ZNF423: variants seen among roughly 807,000 people sequenced by gnomAD.
The protein encoded by ZNF423 is Ebf-associated zinc finger protein.
A neutral mutation model predicts 95.8 loss-of-function variants in ZNF423; 12 were observed. That is an observed-to-expected ratio of 0.13 (90% CI 0.08 to 0.20). ZNF423 has a LOEUF of 0.20. Ranked by LOEUF, ZNF423 falls within the 10% of genes least tolerant of loss-of-function variation. The pLI is 1.00. For missense variants in ZNF423, 1,316 were observed against 1,737.1 expected (o/e 0.76, Z 4.31); for synonymous variants, 749 against 711.9 (o/e 1.05, Z -0.83).
At chr16:49,548,903 TC>T (rs1228473436) in intron 5 of ZNF423, among the ~76,000 whole-genome samples, 1 of 152,228 alleles carries the variant, frequency 6.6e-6, no homozygotes, top group Admixed American at 6.5e-5. Flanking sequence ...TCTTGAACCT[TC>T]CAGTTCCTAG....
chr16:49,552,732 A>G (rs765531002), intron 5 of ZNF423, among the ~76,000 whole-genome samples: 2 of 152,100 alleles, frequency 1.3e-5, no homozygotes, highest in Non-Finnish European at 2.9e-5. Context: ...AGGAAGGGCA[A>G]GAAGCAAAAG....
chr16:49,491,138 A>G lies in ZNF423; in HGVS notation c.*137T>C, dbSNP rs1428111242. The G allele has an allele frequency of 1.0e-6, 1 of 963,334 alleles. No homozygotes were observed. Among genetic ancestry groups the G allele is most frequent in the African/African-American group, 1.6e-5 (1 of 62,218 alleles). The allele number at this position is 963,334 out of a possible 1,614,324, so 59.7% of individuals were successfully genotyped here. ...TTCATTTCCAGCTGCTTATAATAGC[A>G]GCGCCTCATGGCCAAATCATTAGAG... On this transcript the variant is annotated 3_prime_UTR_variant, in exon 8 of 8. Transcript: ENST00000563137.
chr16:49,746,849 C>G (rs2033535335), intron 2 of ZNF423, among the ~76,000 whole-genome samples: 1 of 152,208 alleles, frequency 6.6e-6, no homozygotes, highest in Admixed American at 6.5e-5. Flanking sequence ...AGCCCATCTA[C>G]CCGAAGCAGC....
intron 5 of ZNF423, among the ~76,000 whole-genome samples, chr16:49,580,259 C>G (rs1970629505): frequency 6.6e-6 from 1 of 152,162 alleles, no homozygotes; most frequent in Non-Finnish European, 1.5e-5. Flanking sequence ...TCCCCACACT[C>G]TAGCCCCACA....
At chr16:49,830,346 G>T (rs564220524) in intron 1 of ZNF423, among the ~76,000 whole-genome samples, 2 of 152,112 alleles carry the variant, frequency 1.3e-5, no homozygotes, top group South Asian at 4.1e-4. Flanking sequence ...GAGATGCTCC[G>T]GAACCTTGCA....
chr16:49,493,426 G>A (rs191520820), intron 7 of ZNF423, among the ~76,000 whole-genome samples: 52 of 152,284 alleles, frequency 3.4e-4, no homozygotes, highest in African/African-American at 1.3e-3. Context: ...CAGGACCCAG[G>A]GCTGGGCATG....
At chr16:49,722,001 A>G (rs1294798702) in intron 3 of ZNF423, among the ~76,000 whole-genome samples, 1 of 152,214 alleles carries the variant, frequency 6.6e-6, no homozygotes, top group Non-Finnish European at 1.5e-5. Context: ...ATGCTCTGCA[A>G]CCTGCGGACT....
At chr16:49,672,240 A>C (rs2030845750) in intron 3 of ZNF423, among the ~76,000 whole-genome samples, 2 of 152,112 alleles carry the variant, frequency 1.3e-5, no homozygotes, top group African/African-American at 4.8e-5. Flanking sequence ...AATACATTAC[A>C]GAAAAAAAAA....
At chr16:49,836,937 A>T (rs955647509) in intron 1 of ZNF423, among the ~76,000 whole-genome samples, 4 of 152,184 alleles carry the variant, frequency 2.6e-5, no homozygotes, top group African/African-American at 9.7e-5. Flanking sequence ...CCCCTGGGAG[A>T]GCCTGAGCAA....
chr16:49,538,634 C>A (rs898832498), intron 5 of ZNF423, among the ~76,000 whole-genome samples: 2 of 152,172 alleles, frequency 1.3e-5, no homozygotes, highest in African/African-American at 2.4e-5. Flanking sequence ...CCTAACACCC[C>A]TACTTTTGGC....
intron 3 of ZNF423, among the ~76,000 whole-genome samples, chr16:49,651,646 TG>T: frequency 6.6e-6 from 1 of 152,224 alleles, no homozygotes; most frequent in Non-Finnish European, 1.5e-5. Flanking sequence ...ATCTGTAAAA[TG>T]GGGATGACTA....
intron 1 of ZNF423, among the ~76,000 whole-genome samples, chr16:49,794,184 T>C (rs2034462375): frequency 6.6e-6 from 1 of 151,934 alleles, no homozygotes; most frequent in Non-Finnish European, 1.5e-5. Flanking sequence ...CACAGGCACA[T>C]GCCACCACGC....
At chr16:49,499,560 A>G (rs1403267168) in intron 7 of ZNF423, among the ~76,000 whole-genome samples, 1 of 151,820 alleles carries the variant, frequency 6.6e-6, no homozygotes, top group Non-Finnish European at 1.5e-5. Context: ...TCTGACCCAG[A>G]CTCCTTTTAT....
At chr16:49,589,901 G>A (rs867023254) in intron 5 of ZNF423, among the ~76,000 whole-genome samples, 1 of 151,884 alleles carries the variant, frequency 6.6e-6, no homozygotes, top group South Asian at 2.1e-4. Context: ...CTTGGCGTCC[G>A]CCATTAGCGG....
intron 5 of ZNF423, among the ~76,000 whole-genome samples, chr16:49,584,227 C>T (rs1438193049): frequency 1.3e-5 from 2 of 152,104 alleles, no homozygotes; most frequent in African/African-American, 4.8e-5. Context: ...AAAGAAGATC[C>T]CTCCCACAGC....
At chr16:49,736,323 C>G (rs2033285151) in intron 2 of ZNF423, among the ~76,000 whole-genome samples, 1 of 152,128 alleles carries the variant, frequency 6.6e-6, no homozygotes, top group East Asian at 1.9e-4. Flanking sequence ...GACGAGGTTG[C>G]CCTGTCCTGC....
intron 1 of ZNF423, among the ~76,000 whole-genome samples, chr16:49,826,490 G>A (rs777455309): frequency 9.2e-5 from 14 of 152,154 alleles, no homozygotes; most frequent in Non-Finnish European, 1.8e-4. Flanking sequence ...CTCTGATGTT[G>A]AGGTCCCAGT....
At chr16:49,512,152 A>G (rs1207616242) in intron 7 of ZNF423, among the ~76,000 whole-genome samples, 1 of 152,196 alleles carries the variant, frequency 6.6e-6, no homozygotes, top group Non-Finnish European at 1.5e-5. Context: ...TGAGGGGCTT[A>G]GTCTATGCCT....
At chr16:49,504,587 C>A (rs898962791) in intron 7 of ZNF423, among the ~76,000 whole-genome samples, 4 of 152,056 alleles carry the variant, frequency 2.6e-5, no homozygotes, top group East Asian at 1.9e-4. Flanking sequence ...GTCACCACCA[C>A]CAACAACAAA....
Sources: allele counts gnomAD v4.1 joint callset (sites outside exome capture counted in the v4.1 genomes callset), GRCh38; gene constraint gnomAD v4.1.1; transcripts MANE v1.5; gene names NCBI Gene and HGNC (gene_info 2026-07-23, HGNC 2026-07-21).